The following FOXO1 variants were observed in gnomAD, a reference collection of about 807,000 sequenced individuals.
FOXO1 encodes forkhead box protein O1.
A neutral mutation model predicts 44.1 loss-of-function variants in FOXO1; 6 were observed. The ratio of observed to expected loss-of-function variants is 0.14; its 90% CI spans 0.07 to 0.27. The LOEUF is 0.27. Ranked by LOEUF, FOXO1 falls within the 10% of genes least tolerant of loss-of-function variation. The probability of loss-of-function intolerance (pLI) is 1.00; values close to 1 mark genes in which losing one functional copy is unlikely to be tolerated. For missense variants in FOXO1, 737 were observed against 888.8 expected (o/e 0.83, Z 2.17); for synonymous variants, 380 against 362.7 (o/e 1.05, Z -0.54).
At chr13:40,626,571 T>C (rs1479375012) in intron 1 of FOXO1, among the ~76,000 whole-genome samples, 1 of 152,198 alleles carries the variant, frequency 6.6e-6, no homozygotes, top group Non-Finnish European at 1.5e-5. Context: ...TCCTTGCACT[T>C]GATAAACTGT....
At chr13:40,565,486 A>C (rs1342130584) in intron 1 of FOXO1, among the ~76,000 whole-genome samples, 1 of 152,066 alleles carries the variant, frequency 6.6e-6, no homozygotes, top group Non-Finnish European at 1.5e-5. Context: ...CAGCTCTAAC[A>C]TGGGACCTTA....
At chr13:40,650,956 C>T (rs918459540) in intron 1 of FOXO1, among the ~76,000 whole-genome samples, 6 of 152,048 alleles carry the variant, frequency 3.9e-5, no homozygotes, top group Non-Finnish European at 8.8e-5. Context: ...GGTTTCACCA[C>T]GTTAGCCAGG....
chr13:40,639,952 C>T (rs1232076103), intron 1 of FOXO1, among the ~76,000 whole-genome samples: 1 of 152,224 alleles, frequency 6.6e-6, no homozygotes, highest in Non-Finnish European at 1.5e-5. Flanking sequence ...AAGTGCTATC[C>T]TCATTATACA....
chr13:40,577,744 A>G (rs1397321066), intron 1 of FOXO1, among the ~76,000 whole-genome samples: 4 of 152,140 alleles, frequency 2.6e-5, no homozygotes, highest in Non-Finnish European at 5.9e-5. Flanking sequence ...ATTATACATG[A>G]ACTTTTTGAT....
chr13:40,666,561 G>A lies in FOXO1; in HGVS notation c.-349C>T, dbSNP rs1411488530. The A allele has an allele frequency of 5.9e-5, 14 of 235,476 alleles. No homozygotes were observed. The East Asian group carries it at 8.3e-4, about 14-fold the overall frequency. 14.6% of individuals were successfully genotyped at this position (235,476 alleles called of 1,614,324 possible). A position where few individuals can be genotyped will look rare whatever the true frequency, so the allele number is the denominator to read the frequency against. On this transcript the variant is annotated 5_prime_UTR_variant, in exon 1 of 3. Transcript: ENST00000379561. ...GGCCGCTTGCTCTCCCCAGCGGCGCGCCCGCTGCGCTGCTGCCTGTTGAAT... is the reference window on the plus strand; with the variant it reads ...GGCCGCTTGCTCTCCCCAGCGGCGCACCCGCTGCGCTGCTGCCTGTTGAAT...
At chr13:40,645,899 T>C (rs1877492476) in intron 1 of FOXO1, among the ~76,000 whole-genome samples, 1 of 151,962 alleles carries the variant, frequency 6.6e-6, no homozygotes, top group African/African-American at 2.4e-5. Flanking sequence ...AAATCCTGTC[T>C]CTACTAAAAA....
At chr13:40,561,149 A>C (rs564636108) in intron 1 of FOXO1, among the ~76,000 whole-genome samples, 242 of 152,232 alleles carry the variant, frequency 1.6e-3, no homozygotes, top group African/African-American at 5.7e-3. Context: ...TCAGGAGATC[A>C]AGAGCATCCT....
At chr13:40,596,020 G>C (rs987182629) in intron 1 of FOXO1, among the ~76,000 whole-genome samples, 5 of 150,192 alleles carry the variant, frequency 3.3e-5, no homozygotes, top group Non-Finnish European at 7.4e-5. Context: ...TACATGGCAT[G>C]GTTATTTAAT....
chr13:40,600,684 T>C (rs1345577816), intron 1 of FOXO1, among the ~76,000 whole-genome samples: 3 of 152,200 alleles, frequency 2.0e-5, no homozygotes, highest in Non-Finnish European at 4.4e-5. Flanking sequence ...GTAGACTAAA[T>C]AGTAGTTCAG....
chr13:40,624,325 A>T (rs1240263749), intron 1 of FOXO1, among the ~76,000 whole-genome samples: 3 of 118,128 alleles, frequency 2.5e-5, no homozygotes, highest in African/African-American at 1.3e-4. Context: ...CTTAAAAAAA[A>T]AAAAAAAAAA....
At chr13:40,607,800 T>C (rs1198953183) in intron 1 of FOXO1, among the ~76,000 whole-genome samples, 1 of 152,256 alleles carries the variant, frequency 6.6e-6, no homozygotes, top group Admixed American at 6.5e-5. Context: ...ACCTCAATTC[T>C]AGTGGTAGAA....
In FOXO1 at chr13:40,565,547, G is replaced by C. The variant is rs192339716; in HGVS notation, c.631-4687C>G. On this transcript the variant is annotated intron_variant, in intron 1 of 2. Coordinates refer to ENST00000379561, the MANE Select transcript of FOXO1 (RefSeq NM_002015.4). Reference sequence around the variant, plus strand: ...ACTATGTCTGATCCCTGGGGCGGTGGGGGGGCATGCCTGACTTCCCACTAC... The same window carrying C: ...ACTATGTCTGATCCCTGGGGCGGTGCGGGGGCATGCCTGACTTCCCACTAC... Among the ~76,000 whole-genome samples the C allele has an allele frequency of 1.8e-4, 27 of 152,196 alleles. 1 individual carries two copies. The East Asian group carries it at 4.6e-3, about 26-fold the overall frequency.
intron 1 of FOXO1, among the ~76,000 whole-genome samples, chr13:40,598,609 C>G (rs1875686850): frequency 6.6e-6 from 1 of 152,160 alleles, no homozygotes; most frequent in African/African-American, 2.4e-5. Flanking sequence ...GGTCACTACC[C>G]ACCCAAATTT....
intron 1 of FOXO1, among the ~76,000 whole-genome samples, chr13:40,613,933 A>T (rs1436080872): frequency 6.6e-6 from 1 of 152,008 alleles, no homozygotes; most frequent in African/African-American, 2.4e-5. Context: ...AGTAAATCAG[A>T]CCTCTCCTTA....
chr13:40,617,803 C>A, intron 1 of FOXO1, among the ~76,000 whole-genome samples: 1 of 152,142 alleles, frequency 6.6e-6, no homozygotes, highest in East Asian at 1.9e-4. Flanking sequence ...TCAGAGATTC[C>A]TAACCAATGA....
rs1873786091 is a variant in FOXO1, at chr13:40,557,143, G to T, written c.*1906C>A. ...ATTTAGGAAATACCAAGCCAATGAA[G>T]ATGCAATTAACATACAAGACAAAGC... is the stretch of plus-strand genomic sequence containing the variant. On this transcript the variant is annotated 3_prime_UTR_variant, in exon 3 of 3. Coordinates refer to ENST00000379561, the MANE Select transcript of FOXO1 (RefSeq NM_002015.4). The T allele has an allele frequency of 1.3e-5, 2 of 152,188 alleles. No individual in the cohort carries two copies. Among genetic ancestry groups the T allele is most frequent in the Admixed American group, 6.5e-5 (1 of 15,282 alleles). 9.4% of individuals were successfully genotyped at this position (152,188 alleles called of 1,614,324 possible). A position where few individuals can be genotyped will look rare whatever the true frequency, so the allele number is the denominator to read the frequency against.
intron 1 of FOXO1, among the ~76,000 whole-genome samples, chr13:40,607,637 T>C (rs3908773): frequency 6.6e-6 from 1 of 152,106 alleles, no homozygotes; most frequent in Non-Finnish European, 1.5e-5. Context: ...TTTAGTATTG[T>C]ACACATAGGT....
intron 1 of FOXO1, among the ~76,000 whole-genome samples, chr13:40,582,102 C>G (rs1172256816): frequency 6.6e-6 from 1 of 152,194 alleles, no homozygotes; most frequent in Non-Finnish European, 1.5e-5. Flanking sequence ...ACCTCAAGTT[C>G]ACTTCCAGAA....
At chr13:40,568,461 A>C (rs113913359) in intron 1 of FOXO1, among the ~76,000 whole-genome samples, 230 of 152,312 alleles carry the variant, frequency 1.5e-3, no homozygotes, top group African/African-American at 5.4e-3. Context: ...TATTCAACAG[A>C]GTTCCCATTA....
Sources: allele counts gnomAD v4.1 joint callset (sites outside exome capture counted in the v4.1 genomes callset), GRCh38; gene constraint gnomAD v4.1.1; transcripts MANE v1.5; gene names NCBI Gene and HGNC (gene_info 2026-07-23, HGNC 2026-07-21).